Variants in DGKD observed in about 807,000 individuals in gnomAD.
DGKD encodes DAG kinase delta.
Under a neutral mutation model 154.4 loss-of-function variants are expected in DGKD, and 68 were observed. That is an observed-to-expected ratio of 0.44 (90% CI 0.36 to 0.54). DGKD has a LOEUF of 0.54. DGKD is among the 20% of genes least tolerant of loss of function. DGKD has a pLI of 0.00. For missense variants in DGKD, 1,343 were observed against 1,593.6 expected, an observed-to-expected ratio of 0.84 and a Z score of 2.68; for synonymous variants, 693 against 638.0, an observed-to-expected ratio of 1.09 and a Z score of -1.30.
rs138793873 is a variant in DGKD, at chr2:233,449,256, C to T, written c.1768C>T (p.Arg590Cys). 48 of 1,613,666 alleles carry T rather than the reference C, an allele frequency of 3.0e-5. No homozygotes were observed. In the African/African-American group the frequency reaches 3.5e-4, roughly 12 times the overall value. The change falls in exon 15 of 30, where the codon CGC becomes TGC. Residue 590 changes from arginine (R) to cysteine (C), a missense_variant. This residue lies in a region of DGKD where 409 missense variants were observed against 446.0 expected (regional missense o/e 0.92). Transcript: ENST00000264057. This position sits in a 1 kb window ranked among gnomAD's most constrained non-coding sequence, Gnocchi z 5.3. ...CAGCATCTGCGGTTCCACCGGAGAC[C>T]GCTTGGTGGCATCAGCTTGCCCGGC... ...SGSICGSTGD[R>C]LVASACPARP...
chr2:233,464,083 GCGGAC>G, intron 26 of DGKD, 76 bp from the exon 27 acceptor site: 1 of 1,582,718 alleles, frequency 6.3e-7, no homozygotes, highest in Non-Finnish European at 8.6e-7. Flanking sequence ...GAGCCCTGGA[GCGGAC>G]CTCACCCCCC....
At chr2:233,422,277 T>A (rs2062143756) in intron 3 of DGKD, among the ~76,000 whole-genome samples, 1 of 152,256 alleles carries the variant, frequency 6.6e-6, no homozygotes, top group Non-Finnish European at 1.5e-5. Flanking sequence ...TCAGGTTACA[T>A]AGCTCCACTG....
intron 3 of DGKD, among the ~76,000 whole-genome samples, chr2:233,397,836 C>T (rs1051790975): frequency 6.6e-6 from 1 of 150,962 alleles, no homozygotes; most frequent in Non-Finnish European, 1.5e-5. Flanking sequence ...GTGATCAGGT[C>T]AGAAGGGGGT....
At chr2:233,447,511 T>A (rs2063121783) in intron 12 of DGKD, 7 of 985,090 alleles carry the variant, frequency 7.1e-6, no homozygotes, top group Non-Finnish European at 8.4e-6. Flanking sequence ...TTATTTTTCC[T>A]TTTTTTAAAA....
chr2:233,450,582 G>A (rs1274482959), intron 16 of DGKD, among the ~76,000 whole-genome samples: 2 of 152,128 alleles, frequency 1.3e-5, no homozygotes, highest in Non-Finnish European at 2.9e-5. Context: ...CTGCTGGGAG[G>A]CCCATGCTCA....
chr2:233,415,080 A>C (rs1345735726), intron 3 of DGKD, among the ~76,000 whole-genome samples: 1 of 152,074 alleles, frequency 6.6e-6, no homozygotes, highest in Non-Finnish European at 1.5e-5. Context: ...TACATGCTGG[A>C]CCCACACTTT....
At chr2:233,463,855 A>G (rs1032786407) in intron 26 of DGKD, 10 of 353,930 alleles carry the variant, frequency 2.8e-5, no homozygotes, top group African/African-American at 6.1e-5. Flanking sequence ...CAGCATTTCC[A>G]CTGCTTGACA....
chr2:233,419,432 C>A (rs1200009623), intron 3 of DGKD: 1 of 985,676 alleles, frequency 1.0e-6, no homozygotes, highest in East Asian at 1.1e-4. Flanking sequence ...GTAAGAGCCC[C>A]AGGGGACAGT....
rs530988792 is a variant in DGKD, at chr2:233,377,102, G to A, written c.157-11155G>A. Among the ~76,000 whole-genome samples, 289 of 126,836 alleles carry A rather than the reference G, an allele frequency of 2.3e-3. 1 individual carries two copies. The East Asian group carries it at 0.041, about 18-fold the overall frequency. 83.2% of individuals were successfully genotyped at this position (126,836 alleles called of 152,430 possible). ...CCTTTTTTTTTTTTTTTTTTTTGGAGACGGAGTTTCACTCTTGTCACCCAG... is the reference window on the plus strand; with the variant it reads ...CCTTTTTTTTTTTTTTTTTTTTGGAAACGGAGTTTCACTCTTGTCACCCAG... On this transcript the variant is annotated intron_variant, in intron 1 of 29. Coordinates refer to ENST00000264057, the MANE Select transcript of DGKD (RefSeq NM_152879.3).
At chr2:233,467,423 C>A (rs2063858538) in intron 28 of DGKD, among the ~76,000 whole-genome samples, 1 of 152,192 alleles carries the variant, frequency 6.6e-6, no homozygotes, top group Non-Finnish European at 1.5e-5. Flanking sequence ...CTGACGTGCT[C>A]TCTGGCTTTC....
In DGKD at chr2:233,463,253, C is replaced by T. The variant is rs568928947; in HGVS notation, c.3186+518C>T. Reference sequence around the variant, plus strand: ...TGGTTTCCCAGCCCTCCACTCCGCACGCCACTCACCTCCTCACTGCACGCG... The same window carrying T: ...TGGTTTCCCAGCCCTCCACTCCGCATGCCACTCACCTCCTCACTGCACGCG... On this transcript the variant is annotated intron_variant, in intron 26 of 29. Coordinates refer to ENST00000264057, the MANE Select transcript of DGKD (RefSeq NM_152879.3). 8.1e-4 allele frequency among the ~76,000 whole-genome samples: 124 copies of T among 152,228 alleles called. 2 individuals are homozygous for T. Among genetic ancestry groups the T allele is most frequent in the Admixed American group, 8.1e-3 (124 of 15,298 alleles).
chr2:233,363,140 T>G (rs373814904), intron 1 of DGKD, among the ~76,000 whole-genome samples: 50 of 152,312 alleles, frequency 3.3e-4, no homozygotes, highest in African/African-American at 9.6e-4. Flanking sequence ...AAGCAGGTCC[T>G]TCAGGAGGTA....
chr2:233,393,454 A>G (rs1008825585), intron 3 of DGKD, among the ~76,000 whole-genome samples: 8 of 149,260 alleles, frequency 5.4e-5, no homozygotes, highest in African/African-American at 2.0e-4. Context: ...CTCCTGCTTC[A>G]GCCTCCTGAG....
At chr2:233,450,314 G>A (rs566053078) in intron 16 of DGKD, among the ~76,000 whole-genome samples, 183 bp downstream of exon 16, 1 of 152,156 alleles carries the variant, frequency 6.6e-6, no homozygotes, top group Non-Finnish European at 1.5e-5. Flanking sequence ...TGAGGTGGGT[G>A]TGTGCGGTCT....
intron 3 of DGKD, among the ~76,000 whole-genome samples, chr2:233,412,934 C>G (rs931715172): frequency 1.3e-5 from 2 of 152,148 alleles, no homozygotes; most frequent in South Asian, 4.1e-4. Context: ...TTGGGTTAAA[C>G]CCTATTTGCT....
In DGKD at chr2:233,449,056, C is replaced by T; in HGVS notation, c.1615-47C>T. 1.9e-6 allele frequency: 3 copies of T among 1,541,200 alleles called. No homozygotes were observed. The highest frequency in any genetic ancestry group is 1.8e-6 in the Non-Finnish European group (2 of 1,139,310). On this transcript the variant is annotated intron_variant, in intron 14 of 29. Transcript: ENST00000264057. This position sits in a 1 kb window ranked among gnomAD's most constrained non-coding sequence, Gnocchi z 5.3. ...GCCTGAGGTTCCCTGCCTGCAGACCCTGTTCTCCTGCCTCAGCTCTGCATG... is the reference window on the plus strand; with the variant it reads ...GCCTGAGGTTCCCTGCCTGCAGACCTTGTTCTCCTGCCTCAGCTCTGCATG...
chr2:233,448,471 T>C, intron 14 of DGKD, 96 bp downstream of exon 14: 1 of 1,106,082 alleles, frequency 9.0e-7, no homozygotes, highest in Non-Finnish European at 1.3e-6. Flanking sequence ...GTCCAGGTTC[T>C]TGGTGATTTG....
intron 23 of DGKD, 115 bp downstream of exon 23, chr2:233,460,006 T>C (rs1159304737): frequency 1.5e-5 from 22 of 1,453,852 alleles, no homozygotes; most frequent in Non-Finnish European, 2.0e-5. Flanking sequence ...TTTTTTTTTT[T>C]TAAGACACAA....
chr2:233,403,558 C>T (rs757698398), intron 3 of DGKD, among the ~76,000 whole-genome samples: 1 of 151,838 alleles, frequency 6.6e-6, no homozygotes, highest in African/African-American at 2.4e-5. Flanking sequence ...AAGACTCCAT[C>T]TCAAAAATAA....
Sources: gnomAD v4.1 joint callset for allele counts (sites outside exome capture counted in the v4.1 genomes callset) on GRCh38, gnomAD v4.1.1 for gene constraint, gnomAD v4.1.1 regional missense constraint, Gnocchi (gnomAD v3.1) non-coding constraint, MANE v1.5 for transcripts, NCBI Gene and HGNC (gene_info 2026-07-23, HGNC 2026-07-21) for gene names.